Variants in SERINC1 observed in about 807,000 individuals in gnomAD.
SERINC1 encodes the protein serine incorporator 1, also known as tumor differentially expressed protein 2.
Under a neutral mutation model 52.9 loss-of-function variants are expected in SERINC1, and 38 were observed. The ratio of observed to expected loss-of-function variants is 0.72; its 90% CI spans 0.55 to 0.94. SERINC1 has a LOEUF of 0.94. SERINC1 is among the 40% of genes least tolerant of loss of function. The pLI is 0.00. For missense variants in SERINC1, 471 were observed against 533.9 expected (o/e 0.88, Z 1.16); for synonymous variants, 198 against 183.1 (o/e 1.08, Z -0.66).
rs992270704 is a variant in SERINC1, at chr6:122,453,433, C to T, written c.589+337G>A. The stretch of plus-strand genomic sequence containing the variant: ...TTTATCTATTCCTAGCAATCCTCTT[C>T]CCTTTAATATTTTGCTTTTAACCCA... On this transcript the variant is annotated intron_variant, in intron 5 of 9. Coordinates refer to ENST00000339697, the MANE Select transcript of SERINC1 (RefSeq NM_020755.4). Among the ~76,000 whole-genome samples, 9 of 152,038 alleles carry T rather than the reference C, an allele frequency of 5.9e-5. 1 individual carries two copies. The highest frequency in any genetic ancestry group is 5.9e-4 in the Admixed American group (9 of 15,256).
At position 122,445,156 on chromosome 6, in the gene SERINC1, T is replaced by A; in HGVS notation, c.1250A>T (p.Lys417Ile). Residue 417 changes from lysine to isoleucine, a missense_variant, in exon 10 of 10, where the codon AAA (lysine) becomes ATA (isoleucine). Transcript: ENST00000339697. The stretch of plus-strand genomic sequence containing the variant: ...CACCCAGACAGCTGTCCACTGACTT[T>A]TCATCTCACGAGAGGGTTCATACCT... ...WYRYEPSREM[K>I]SQWTAVWVKI... The A allele has an allele frequency of 6.2e-7, 1 of 1,614,088 alleles. No homozygotes were observed. Among genetic ancestry groups the A allele is most frequent in the Non-Finnish European group, 8.5e-7 (1 of 1,179,972 alleles).
intron 1 of SERINC1, among the ~76,000 whole-genome samples, chr6:122,469,722 T>G (rs542990861): frequency 1.3e-5 from 2 of 149,450 alleles, no homozygotes. Flanking sequence ...TACCCAGCTA[T>G]TTTTTTTTGT....
chr6:122,450,665 A>C (rs1774888698), intron 7 of SERINC1, among the ~76,000 whole-genome samples: 1 of 152,200 alleles, frequency 6.6e-6, no homozygotes, highest in South Asian at 2.1e-4. Flanking sequence ...AAGAACATTC[A>C]TGATTCATGG....
intron 2 of SERINC1, among the ~76,000 whole-genome samples, chr6:122,457,833 G>A (rs140215905): frequency 0.011 from 1,635 of 149,510 alleles, 14 homozygotes; most frequent in Middle Eastern, 0.039. Flanking sequence ...ACATGTACAC[G>A]ATACAATACC....
intron 7 of SERINC1, among the ~76,000 whole-genome samples, chr6:122,448,505 C>A (rs552470696): frequency 6.7e-6 from 1 of 148,812 alleles, no homozygotes; most frequent in African/African-American, 2.4e-5. Flanking sequence ...TAATTTGTCT[C>A]CTTTCAACAT....
At chr6:122,450,204 G>A (rs1051923862) in intron 7 of SERINC1, among the ~76,000 whole-genome samples, 3 of 152,134 alleles carry the variant, frequency 2.0e-5, no homozygotes, top group Admixed American at 6.5e-5. Context: ...TGCAGACAAT[G>A]ATTTTAAGAG....
chr6:122,458,808 G>A (rs1180323919), intron 1 of SERINC1, 127 bp from the exon 2 acceptor site: 6 of 634,768 alleles, frequency 9.5e-6, no homozygotes, highest in Non-Finnish European at 1.6e-5. Flanking sequence ...ATTACATCAA[G>A]GGACATACGG....
intron 1 of SERINC1, among the ~76,000 whole-genome samples, chr6:122,461,111 G>A (rs1260988554): frequency 6.6e-6 from 1 of 152,048 alleles, no homozygotes; most frequent in Non-Finnish European, 1.5e-5. Context: ...AACTTCAATT[G>A]GAGAGAAGTG....
chr6:122,467,383 T>C (rs531926079), intron 1 of SERINC1, among the ~76,000 whole-genome samples: 30 of 152,228 alleles, frequency 2.0e-4, no homozygotes, highest in African/African-American at 6.0e-4. Context: ...GGCAGGTGGA[T>C]CACTTGAGGC....
At chr6:122,455,222 C>A (rs922735348) in intron 3 of SERINC1, among the ~76,000 whole-genome samples, 5 of 152,084 alleles carry the variant, frequency 3.3e-5, no homozygotes, top group African/African-American at 1.2e-4. Flanking sequence ...ATGGTTAATA[C>A]TGAGTGTCAA....
At position 122,444,286 on chromosome 6, in the gene SERINC1, CA is replaced by C. The variant is rs1180405786; in HGVS notation, c.*757del. 3 of 152,280 alleles carry C rather than the reference CA, an allele frequency of 2.0e-5. No homozygotes were observed. Among genetic ancestry groups the C allele is most frequent in the African/African-American group, 7.2e-5 (3 of 41,458 alleles). The allele number at this position is 152,280 out of a possible 1,614,324, so 9.4% of individuals were successfully genotyped here. A position where few individuals can be genotyped will look rare whatever the true frequency, so the allele number is the denominator to read the frequency against. On this transcript the variant is annotated 3_prime_UTR_variant, in exon 10 of 10. Coordinates refer to ENST00000339697, the MANE Select transcript of SERINC1 (RefSeq NM_020755.4). ...ACAAGGGTGAGCTACCGTGCTGGCC[CA>C]AAACTAACTTTCAAAGTGACTTTCA...
intron 1 of SERINC1, among the ~76,000 whole-genome samples, chr6:122,464,266 C>CT (rs1775151176): frequency 6.6e-6 from 1 of 151,824 alleles, no homozygotes; most frequent in Non-Finnish European, 1.5e-5. Context: ...TAAATTATAC[C>CT]TTAACTAAAA....
At chr6:122,454,262 A>G (rs781253920) in intron 3 of SERINC1, 32 bp from the exon 4 acceptor site, 1 of 1,104,448 alleles carries the variant, frequency 9.1e-7, no homozygotes, top group Non-Finnish European at 1.3e-6. Context: ...TTTTTTATTA[A>G]TAGACATTCA....
rs1235725512 is a variant in SERINC1 at position 122,469,311 on chromosome 6, A to T, written c.39+2388T>A. On this transcript the variant is annotated intron_variant, in intron 1 of 9. Coordinates refer to ENST00000339697, the MANE Select transcript of SERINC1 (RefSeq NM_020755.4). ...TTAAGAATGAGGTTGGTTTGTTTTT[A>T]ATTCTGGCTTACCTGATCTAATTTA... is the stretch of plus-strand genomic sequence containing the variant. 2.6e-5 allele frequency among the ~76,000 whole-genome samples: 4 copies of T among 152,104 alleles called. No homozygotes were observed. The South Asian group carries it at 8.3e-4, about 31-fold the overall frequency.
intron 1 of SERINC1, among the ~76,000 whole-genome samples, chr6:122,468,466 G>A (rs1775222568): frequency 6.6e-6 from 1 of 152,130 alleles, no homozygotes; most frequent in South Asian, 2.1e-4. Context: ...GAAAATCACT[G>A]CTATGGAAAC....
At chr6:122,453,215 G>C (rs1022443365) in intron 5 of SERINC1, among the ~76,000 whole-genome samples, 18 of 151,958 alleles carry the variant, frequency 1.2e-4, no homozygotes, top group Non-Finnish European at 2.1e-4. Context: ...CATTTGAATT[G>C]GGATATCTGT....
chr6:122,449,606 TTGA>T (rs1023073690), intron 7 of SERINC1, among the ~76,000 whole-genome samples: 1 of 152,188 alleles, frequency 6.6e-6, no homozygotes, highest in Admixed American at 6.5e-5. Context: ...GGGTTGGTTG[TTGA>T]GGTTTAATGA....
chr6:122,445,977 A>G (rs1774791522), intron 9 of SERINC1, among the ~76,000 whole-genome samples: 1 of 151,424 alleles, frequency 6.6e-6, no homozygotes, highest in Non-Finnish European at 1.5e-5. Context: ...AATAATAAAA[A>G]TCAGTAAAGG....
intron 1 of SERINC1, among the ~76,000 whole-genome samples, chr6:122,468,855 CTAAAT>C (rs1292898063): frequency 6.6e-6 from 1 of 151,932 alleles, no homozygotes; most frequent in Non-Finnish European, 1.5e-5. Context: ...CTTAACTAAA[CTAAAT>C]ATCTTGATAG....
Sources: allele counts gnomAD v4.1 joint callset (sites outside exome capture counted in the v4.1 genomes callset), GRCh38; gene constraint gnomAD v4.1.1; transcripts MANE v1.5; gene names NCBI Gene and HGNC (gene_info 2026-07-23, HGNC 2026-07-21).